ATRNL1: variants seen among roughly 807,000 people sequenced by gnomAD.
The protein encoded by ATRNL1 is attractin like 1.
A neutral mutation model predicts 182.7 loss-of-function variants in ATRNL1; 95 were observed. That is an observed-to-expected ratio of 0.52 (90% CI 0.44 to 0.62). The LOEUF is 0.62. Among genes scored for constraint, ATRNL1 ranks in the 20% least tolerant of loss-of-function variants. The pLI is 0.00. For synonymous variants in ATRNL1, 576 were observed against 568.3 expected (o/e 1.01, Z -0.19); for missense variants, 1,471 against 1,679.5 (o/e 0.88, Z 2.17).
intron 27 of ATRNL1, among the ~76,000 whole-genome samples, chr10:115,757,245 TC>T (rs1352813193): frequency 1.3e-5 from 2 of 152,250 alleles, no homozygotes; most frequent in African/African-American, 4.8e-5. Context: ...TGCAGTTTCT[TC>T]CTAGTGTCGA....
At chr10:115,560,879 G>T (rs2133837131) in intron 26 of ATRNL1, among the ~76,000 whole-genome samples, 2 of 152,180 alleles carry the variant, frequency 1.3e-5, no homozygotes, top group Admixed American at 1.3e-4. Flanking sequence ...ATTTTTACAA[G>T]GGTACCAAGA....
chr10:115,245,448 G>A (rs1208314503), intron 10 of ATRNL1, among the ~76,000 whole-genome samples: 1 of 140,104 alleles, frequency 7.1e-6, no homozygotes, highest in Non-Finnish European at 1.5e-5. Flanking sequence ...TCAGTGAGCC[G>A]AGATTGCGCC....
intron 19 of ATRNL1, among the ~76,000 whole-genome samples, chr10:115,358,725 T>G (rs1856610098): frequency 6.6e-6 from 1 of 151,728 alleles, no homozygotes; most frequent in Admixed American, 6.6e-5. Flanking sequence ...GAATGAGAAT[T>G]GAAACCTTGA....
At chr10:115,550,884 T>G (rs1017263815) in intron 26 of ATRNL1, among the ~76,000 whole-genome samples, 1 of 151,780 alleles carries the variant, frequency 6.6e-6, no homozygotes, top group Admixed American at 6.6e-5. Context: ...GAAGGCTGAA[T>G]CAATCAGGGA....
chr10:115,357,080 T>A (rs1856536887), intron 19 of ATRNL1, among the ~76,000 whole-genome samples: 2 of 151,942 alleles, frequency 1.3e-5, no homozygotes, highest in Admixed American at 1.3e-4. Context: ...ATTACAAGAA[T>A]ATGGCACTAT....
chr10:115,145,535 A>C (rs1223279842), intron 5 of ATRNL1, among the ~76,000 whole-genome samples: 6 of 152,190 alleles, frequency 3.9e-5, no homozygotes, highest in Non-Finnish European at 8.8e-5. Flanking sequence ...GGATATTTAA[A>C]ATAGACAAAA....
At chr10:115,097,589 G>A (rs1554863470) in intron 1 of ATRNL1, among the ~76,000 whole-genome samples, 1 of 152,036 alleles carries the variant, frequency 6.6e-6, no homozygotes, top group Admixed American at 6.6e-5. Flanking sequence ...AGACAAAAAC[G>A]GGCAGAATAA....
At chr10:115,363,994 T>C (rs1479173708) in intron 19 of ATRNL1, among the ~76,000 whole-genome samples, 15 of 152,128 alleles carry the variant, frequency 9.9e-5, no homozygotes, top group Admixed American at 3.9e-4. Context: ...ATTGACTTGG[T>C]GATGCGGGCT....
At chr10:115,630,414 A>G (rs1039776055) in intron 26 of ATRNL1, among the ~76,000 whole-genome samples, 1 of 151,970 alleles carries the variant, frequency 6.6e-6, no homozygotes, top group Non-Finnish European at 1.5e-5. Flanking sequence ...TGTTAGTGAG[A>G]GTGTCAACAG....
At chr10:115,189,193 C>G (rs555754891) in intron 8 of ATRNL1, among the ~76,000 whole-genome samples, 1 of 152,116 alleles carries the variant, frequency 6.6e-6, no homozygotes, top group Non-Finnish European at 1.5e-5. Flanking sequence ...CTGGTGTAAA[C>G]AAACCTACTT....
At chr10:115,341,082 TCTTC>T (rs761234100) in intron 19 of ATRNL1, among the ~76,000 whole-genome samples, 13 of 152,052 alleles carry the variant, frequency 8.5e-5, no homozygotes, top group Non-Finnish European at 1.3e-4. Context: ...TTTGGTTTGC[TCTTC>T]CTTTTCTAGT....
intron 10 of ATRNL1, among the ~76,000 whole-genome samples, chr10:115,258,455 A>C (rs1554907685): frequency 6.6e-6 from 1 of 152,062 alleles, no homozygotes; most frequent in Non-Finnish European, 1.5e-5. Context: ...CATGGTTTTC[A>C]GCTCCATCAG....
chr10:115,538,667 G>T (rs946892643), intron 25 of ATRNL1, among the ~76,000 whole-genome samples: 1 of 152,040 alleles, frequency 6.6e-6, no homozygotes. Context: ...TCTCTTAACA[G>T]TATCTTTTAT....
chr10:115,144,029 G>A (rs1328787774), intron 5 of ATRNL1, among the ~76,000 whole-genome samples: 1 of 148,890 alleles, frequency 6.7e-6, no homozygotes, highest in African/African-American at 2.5e-5. Context: ...CGCCTGGGCT[G>A]GAGTGCAGTG....
chr10:115,097,692 G>A (rs1008561367), intron 1 of ATRNL1, among the ~76,000 whole-genome samples: 11 of 152,130 alleles, frequency 7.2e-5, no homozygotes, highest in African/African-American at 2.7e-4. Flanking sequence ...TTGGGAGACC[G>A]AGGCGGGCGG....
intron 19 of ATRNL1, among the ~76,000 whole-genome samples, chr10:115,352,087 A>G (rs1856285110): frequency 6.6e-6 from 1 of 151,992 alleles, no homozygotes; most frequent in South Asian, 2.1e-4. Flanking sequence ...CCCAGGCTTT[A>G]CAATTTATTG....
chr10:115,353,951 G>A (rs1856387577), intron 19 of ATRNL1, among the ~76,000 whole-genome samples: 1 of 151,966 alleles, frequency 6.6e-6, no homozygotes, highest in Admixed American at 6.6e-5. Context: ...TTCAAAAATT[G>A]TTGTAGTTAT....
chr10:115,464,271 G>A (rs1214203000), intron 22 of ATRNL1, among the ~76,000 whole-genome samples: 1 of 151,764 alleles, frequency 6.6e-6, no homozygotes. Context: ...TATTGGCCAA[G>A]GCTTCTTATT....
At chr10:115,646,981 G>T (rs1241567645) in intron 26 of ATRNL1, among the ~76,000 whole-genome samples, 33 of 125,440 alleles carry the variant, frequency 2.6e-4, no homozygotes, top group Non-Finnish European at 4.7e-4. Context: ...GCCCTGGTGT[G>T]TGATGTTCCC....
Sources: gnomAD v4.1 joint callset for allele counts (sites outside exome capture counted in the v4.1 genomes callset) on GRCh38, gnomAD v4.1.1 for gene constraint, MANE v1.5 for transcripts, NCBI Gene and HGNC (gene_info 2026-07-23, HGNC 2026-07-21) for gene names.